Variants in CAVIN1 observed in about 807,000 individuals in gnomAD.
CAVIN1 encodes caveolae-associated protein 1.
CAVIN1 carries 16 observed loss-of-function variants against 24.0 expected under a neutral mutation model. The ratio of observed to expected loss-of-function variants is 0.67; its 90% confidence interval spans 0.45 to 1.01. The LOEUF (loss-of-function observed/expected upper bound fraction) is 1.01. Ranked by LOEUF, CAVIN1 falls within the 50% of genes least tolerant of loss-of-function variation. CAVIN1 has a pLI of 0.00. For missense variants in CAVIN1, 510 were observed against 551.7 expected (o/e 0.92, Z 0.76); for synonymous variants, 256 against 256.4 (o/e 1.00, Z 0.02).
intron 1 of CAVIN1, among the ~76,000 whole-genome samples, chr17:42,410,907 A>C (rs2085472038): frequency 6.5e-5 from 1 of 15,386 alleles, no homozygotes. Context: ...AAAAAAAAAA[A>C]AAAAAAAAAA....
chr17:42,406,363 C>T (rs933634553), intron 1 of CAVIN1, among the ~76,000 whole-genome samples: 1 of 150,090 alleles, frequency 6.7e-6, no homozygotes, highest in Non-Finnish European at 1.5e-5. Context: ...ATTTCCTAGA[C>T]TCAAGCTATT....
intron 1 of CAVIN1, among the ~76,000 whole-genome samples, chr17:42,413,134 T>C (rs1017374171): frequency 6.6e-6 from 1 of 151,830 alleles, no homozygotes; most frequent in African/African-American, 2.4e-5. Context: ...GGTTTCACCA[T>C]GTTGGCCAGG....
In CAVIN1 at chr17:42,414,981, C is replaced by T. The variant is rs992249222; in HGVS notation, c.471+7646G>A. On this transcript the variant is annotated intron_variant, in intron 1 of 1. Transcript: ENST00000357037. ...TACACCCCTCCCCTCCCCTACACCT[C>T]TCCCCTCCCACTGTCACCAGGCCAG... 1.1e-4 allele frequency among the ~76,000 whole-genome samples: 17 copies of T among 150,750 alleles called. 1 individual carries two copies. The South Asian group carries it at 3.4e-3, about 30-fold the overall frequency.
Position 42,405,024 on chromosome 17 carries a change from G to C in CAVIN1, c.836C>G (p.Thr279Arg), listed in dbSNP as rs772598451. The change falls in exon 2 of 2, where the codon ACG becomes AGG. Residue 279 changes from threonine (T) to arginine (R), a missense_variant. Physicochemically the swap from Thr to Arg is moderately conservative, Grantham distance 71. Transcript: ENST00000357037. ...TLEKRMNKLG[T>R]RLVPAERREK... is the part of the protein sequence containing the mutation. ...GCGCCGCTCGGCGGGCACCAGGCGC[G>C]TGCCCAGCTTGTTCATGCGCTTCTC... 10 of 1,614,152 alleles carry C rather than the reference G, an allele frequency of 6.2e-6. No homozygotes were observed. The highest frequency in any genetic ancestry group is 6.8e-6 in the Non-Finnish European group (8 of 1,180,018).
intron 1 of CAVIN1, among the ~76,000 whole-genome samples, chr17:42,414,692 C>T (rs1044289624): frequency 2.6e-5 from 4 of 152,000 alleles, no homozygotes; most frequent in Admixed American, 1.3e-4. Flanking sequence ...GGACACTTGG[C>T]GGCACTATTG....
intron 1 of CAVIN1, among the ~76,000 whole-genome samples, chr17:42,409,690 A>G (rs1239671191): frequency 1.3e-5 from 2 of 151,828 alleles, no homozygotes; most frequent in African/African-American, 4.8e-5. Context: ...GGTCCCACCC[A>G]TCTGCTTGCT....
chr17:42,413,079 G>A (rs948938902), intron 1 of CAVIN1, among the ~76,000 whole-genome samples: 6 of 151,366 alleles, frequency 4.0e-5, no homozygotes, highest in East Asian at 4.0e-4. Context: ...TTACAGGTGG[G>A]TGCCACCATG....
intron 1 of CAVIN1, chr17:42,412,389 C>CA: frequency 4.9e-6 from 1 of 203,018 alleles, no homozygotes; most frequent in Non-Finnish European, 7.6e-6. Context: ...AAATAAACCA[C>CA]TTTTTTTTTT....
At chr17:42,411,276 G>T in intron 1 of CAVIN1, 1 of 185,370 alleles carries the variant, frequency 5.4e-6, no homozygotes, top group Non-Finnish European at 1.0e-5. Flanking sequence ...AAACTGGCTG[G>T]GTGAGGTGGC....
chr17:42,405,498 G>T, intron 1 of CAVIN1, 110 bp from the exon 2 acceptor site: 4 of 1,165,678 alleles, frequency 3.4e-6, no homozygotes, highest in Non-Finnish European at 5.1e-6. Flanking sequence ...GACGCTCGTG[G>T]TCCCCAGGAA....
intron 1 of CAVIN1, among the ~76,000 whole-genome samples, chr17:42,405,829 A>C (rs1251422423): frequency 6.6e-6 from 1 of 151,708 alleles, no homozygotes; most frequent in African/African-American, 2.4e-5. Flanking sequence ...CTGGGATTAC[A>C]GGCGCCCGCC....
At chr17:42,412,389 C>CTT (rs34186503) in intron 1 of CAVIN1, 3,413 of 202,086 alleles carry the variant, frequency 0.017, no homozygotes, top group Non-Finnish European at 0.023. Context: ...AAATAAACCA[C>CTT]TTTTTTTTTT....
At chr17:42,409,362 A>G (rs769869093) in intron 1 of CAVIN1, among the ~76,000 whole-genome samples, 1 of 152,122 alleles carries the variant, frequency 6.6e-6, no homozygotes, top group Non-Finnish European at 1.5e-5. Flanking sequence ...CGGCCTCCCA[A>G]AGTGCTGAGA....
At chr17:42,421,591 C>A (rs891382553) in intron 1 of CAVIN1, among the ~76,000 whole-genome samples, 16 of 152,234 alleles carry the variant, frequency 1.1e-4, no homozygotes, top group Non-Finnish European at 7.4e-5. Flanking sequence ...GATGGCACTG[C>A]GGAAGCGGCG....
intron 1 of CAVIN1, among the ~76,000 whole-genome samples, chr17:42,421,063 G>A (rs929226382): frequency 1.3e-5 from 2 of 152,150 alleles, no homozygotes; most frequent in Admixed American, 1.3e-4. Flanking sequence ...TCTAAATAGT[G>A]CTTAAGTAGG....
At chr17:42,407,789 T>G (rs2085454289) in intron 1 of CAVIN1, among the ~76,000 whole-genome samples, 1 of 152,214 alleles carries the variant, frequency 6.6e-6, no homozygotes, top group African/African-American at 2.4e-5. Flanking sequence ...TTTATCCCTC[T>G]GCCTCTTATC....
rs1471403798 is a variant in CAVIN1 at position 42,404,282 on chromosome 17, C to T, written c.*405G>A. The T allele has an allele frequency of 6.1e-6, 1 of 163,476 alleles. No homozygotes were observed. Among genetic ancestry groups the T allele is most frequent in the African/African-American group, 2.4e-5 (1 of 41,814 alleles). 10.1% of individuals were successfully genotyped at this position (163,476 alleles called of 1,614,324 possible). ...TCTTTGGGCAGTTTTGGCTTTGAGT[C>T]CCCCAGGGATCAGGGTGAGAATGAA... is the stretch of plus-strand genomic sequence containing the variant. On this transcript the variant is annotated 3_prime_UTR_variant, in exon 2 of 2. Transcript: ENST00000357037.
chr17:42,416,620 G>A (rs899711494), intron 1 of CAVIN1, among the ~76,000 whole-genome samples: 3 of 149,172 alleles, frequency 2.0e-5, no homozygotes, highest in African/African-American at 7.4e-5. Context: ...AAAAAAAAAG[G>A]GAGGGAGGAA....
chr17:42,404,775 C>T lies in CAVIN1; in HGVS notation c.1085G>A (p.Arg362Gln). The T allele has an allele frequency of 6.3e-7, 1 of 1,584,564 alleles. No homozygotes were observed. Among genetic ancestry groups the T allele is most frequent in the Non-Finnish European group, 8.6e-7 (1 of 1,166,808 alleles). ...GAERGEAGDLRRGSSPDVHAL... is the reference protein window; with the variant it reads ...GAERGEAGDLQRGSSPDVHAL... ...GTGCACGTCGGGGCTGCTCCCGCGC[C>T]GCAGGTCGCCGGCCTCCCCGCGCTC... Residue 362 changes from arginine (R) to glutamine (Q), a missense_variant, in exon 2 of 2, where the codon CGG (arginine) becomes CAG (glutamine). Physicochemically the swap from Arg to Gln is conservative, Grantham distance 43. Transcript: ENST00000357037.
Sources: gnomAD v4.1 joint callset for allele counts (sites outside exome capture counted in the v4.1 genomes callset) on GRCh38, gnomAD v4.1.1 for gene constraint, MANE v1.5 for transcripts, NCBI Gene and HGNC (gene_info 2026-07-23, HGNC 2026-07-21) for gene names.